SCHIP1: variants seen among roughly 807,000 people sequenced by gnomAD.
SCHIP1 encodes the protein schwannomin interacting protein 1, also known as schwannomin-interacting protein 1.
A neutral mutation model predicts 29.7 loss-of-function variants in SCHIP1; 8 were observed. The observed-to-expected ratio is 0.27, with a 90% CI of 0.16 to 0.49. The LOEUF is 0.49. Ranked by LOEUF, SCHIP1 falls within the 20% of genes least tolerant of loss-of-function variation. The probability of loss-of-function intolerance (pLI) is 0.99; values close to 1 mark genes in which losing one functional copy is unlikely to be tolerated. For missense variants in SCHIP1, 193 were observed against 294.6 expected, an observed-to-expected ratio of 0.66 and a Z score of 2.52; for synonymous variants, 76 against 94.9, an observed-to-expected ratio of 0.80 and a Z score of 1.16.
chr3:159,508,424 G>A, the SCHIP1 span, among the ~76,000 whole-genome samples: 2 of 152,236 alleles, frequency 1.3e-5, no homozygotes, highest in East Asian at 1.9e-4. Flanking sequence ...CCAGCTCCTG[G>A]ATTCATTGAT....
chr3:159,704,919 TCTTTCTTTCTTTCTTTCTTTC>T, the SCHIP1 span, among the ~76,000 whole-genome samples: 1 of 143,244 alleles, frequency 7.0e-6, no homozygotes, highest in East Asian at 2.0e-4. Context: ...TTTCTTTCTT[TCTTTCTTTCTTTCTTTCTTTC>T]CTTTCTTTCT....
chr3:159,506,669 T>C, the SCHIP1 span, among the ~76,000 whole-genome samples: 2 of 152,232 alleles, frequency 1.3e-5, no homozygotes, highest in South Asian at 4.1e-4. Context: ...GGATCCAGTT[T>C]CAGCTTTCTA....
At chr3:159,867,970 G>GTGATTTATATATATATATATATAAATCAA (rs1714804099) in intron 2 of SCHIP1, among the ~76,000 whole-genome samples, 3 of 143,850 alleles carry the variant, frequency 2.1e-5, no homozygotes, top group Admixed American at 1.4e-4. Context: ...TTGAAAATCA[G>GTGATTTATATATATATATATATAAATCAA]TGATTTATAT....
the SCHIP1 span, among the ~76,000 whole-genome samples, chr3:159,570,840 C>T: frequency 1.3e-5 from 2 of 152,146 alleles, no homozygotes; most frequent in African/African-American, 2.4e-5. Flanking sequence ...GTTTCTAGTT[C>T]TCCTTGAAGA....
At chr3:159,622,233 C>T in the SCHIP1 span, among the ~76,000 whole-genome samples, 3 of 152,192 alleles carry the variant, frequency 2.0e-5, no homozygotes, top group Non-Finnish European at 4.4e-5. Context: ...GGCAGGGGCA[C>T]AGCTGACCAG....
At chr3:159,383,772 C>G in the SCHIP1 span, among the ~76,000 whole-genome samples, 1 of 149,998 alleles carries the variant, frequency 6.7e-6, no homozygotes, top group African/African-American at 2.4e-5. Flanking sequence ...TTTGTATCCT[C>G]TTTTATTTCA....
At chr3:159,537,826 G>T in the SCHIP1 span, among the ~76,000 whole-genome samples, 4 of 152,192 alleles carry the variant, frequency 2.6e-5, no homozygotes, top group African/African-American at 9.6e-5. Flanking sequence ...TTAACAGTTA[G>T]AAGTTTTAAA....
the SCHIP1 span, among the ~76,000 whole-genome samples, chr3:159,655,514 G>A: frequency 1.3e-5 from 2 of 152,094 alleles, no homozygotes; most frequent in African/African-American, 4.8e-5. Flanking sequence ...TTAAGTCCCT[G>A]GTCCTTCTCA....
chr3:159,610,306 A>G, the SCHIP1 span, among the ~76,000 whole-genome samples: 1 of 152,208 alleles, frequency 6.6e-6, no homozygotes, highest in South Asian at 2.1e-4. Flanking sequence ...TGGAACTGAT[A>G]GGAACCGTTG....
chr3:159,524,022 G>A, the SCHIP1 span, among the ~76,000 whole-genome samples: 4 of 152,138 alleles, frequency 2.6e-5, no homozygotes, highest in African/African-American at 9.7e-5. Flanking sequence ...AGAAATATCA[G>A]CATCCTCTTA....
chr3:159,599,695 T>C, the SCHIP1 span, among the ~76,000 whole-genome samples: 2 of 152,240 alleles, frequency 1.3e-5, no homozygotes, highest in South Asian at 4.1e-4. Context: ...CAAATTGTGC[T>C]TCTATCAACA....
the SCHIP1 span, among the ~76,000 whole-genome samples, chr3:159,738,275 C>G: frequency 6.6e-6 from 1 of 150,632 alleles, no homozygotes; most frequent in African/African-American, 2.4e-5. Context: ...TAAAGAAATG[C>G]AACTGGTATA....
At chr3:159,536,807 C>T in the SCHIP1 span, among the ~76,000 whole-genome samples, 595 of 152,280 alleles carry the variant, frequency 3.9e-3, 3 homozygotes, top group African/African-American at 0.013. Context: ...TATATAAATA[C>T]ACAGCTAAGT....
the SCHIP1 span, among the ~76,000 whole-genome samples, chr3:159,689,727 T>A: frequency 1.2e-3 from 190 of 152,360 alleles, no homozygotes; most frequent in African/African-American, 4.5e-3. Flanking sequence ...TGATATTGGC[T>A]GTGGATTTGT....
At chr3:159,635,723 A>G in the SCHIP1 span, among the ~76,000 whole-genome samples, 2 of 152,224 alleles carry the variant, frequency 1.3e-5, no homozygotes, top group African/African-American at 4.8e-5. Flanking sequence ...TCAACATTTC[A>G]GCTTACTCTC....
chr3:159,425,409 A>G, the SCHIP1 span, among the ~76,000 whole-genome samples: 6 of 151,220 alleles, frequency 4.0e-5, no homozygotes, highest in African/African-American at 1.2e-4. Flanking sequence ...CTGATAAAAC[A>G]GACTTTAAAC....
At chr3:159,474,990 C>G in the SCHIP1 span, among the ~76,000 whole-genome samples, 4 of 152,108 alleles carry the variant, frequency 2.6e-5, no homozygotes, top group African/African-American at 9.7e-5. Context: ...TCATATATTG[C>G]AGGTGGAAAT....
At chr3:159,714,084 A>G in the SCHIP1 span, among the ~76,000 whole-genome samples, 2 of 152,116 alleles carry the variant, frequency 1.3e-5, no homozygotes, top group African/African-American at 4.8e-5. Context: ...TAAAAATACA[A>G]AAATTAGCCA....
chr3:159,765,277 G>A, the SCHIP1 span: 1 of 1,007,036 alleles, frequency 9.9e-7, no homozygotes, highest in Non-Finnish European at 1.4e-6. Flanking sequence ...AGGCCAGAGA[G>A]CCTGCCGTCT....
Sources: gnomAD v4.1 joint callset for allele counts (sites outside exome capture counted in the v4.1 genomes callset) on GRCh38, gnomAD v4.1.1 for gene constraint, MANE v1.5 for transcripts, NCBI Gene and HGNC (gene_info 2026-07-23, HGNC 2026-07-21) for gene names.